NRK: variants seen among roughly 807,000 people sequenced by gnomAD.
NRK encodes the protein Nik related kinase.
In NRK, 67 loss-of-function variants were observed where a neutral mutation model predicts 125.2. The observed-to-expected ratio is 0.54, with a 90% CI of 0.44 to 0.66. NRK has a LOEUF of 0.66. Among genes scored for constraint, NRK ranks in the 30% least tolerant of loss-of-function variants. The probability of loss-of-function intolerance (pLI) is 0.00; values close to 1 mark genes in which losing one functional copy is unlikely to be tolerated. For synonymous variants in NRK, 458 were observed against 429.0 expected, an observed-to-expected ratio of 1.07 and a Z score of -0.84; for missense variants, 1,224 against 1,192.9, an observed-to-expected ratio of 1.03 and a Z score of -0.38.
At chrX:105,904,284 A>G (rs756597042) in intron 9 of NRK, among the ~76,000 whole-genome samples, 1 of 112,168 alleles carries the variant, frequency 8.9e-6, no homozygotes, top group South Asian at 3.7e-4. Flanking sequence ...AGTGAGACAT[A>G]TTTAAACACT....
chrX:105,934,205 T>C, intron 19 of NRK, 53 bp from the exon 20 acceptor site: 3 of 777,165 alleles, frequency 3.9e-6, no homozygotes, highest in Non-Finnish European at 5.5e-6. Context: ...GGCATATTTC[T>C]CCCACTGTTA....
At position 105,865,653 on chromosome X, in the gene NRK, T is replaced by C. The variant is rs373981982; in HGVS notation, c.124-14546T>C. The stretch of plus-strand genomic sequence containing the variant: ...TTATGTAAATATTGTAATTTGGGCC[T>C]GAAAGGAATTAGATTTTGTATATTA... On this transcript the variant is annotated intron_variant, in intron 2 of 28. Coordinates refer to ENST00000243300, the MANE Select transcript of NRK (RefSeq NM_198465.4). 4.5e-5 allele frequency among the ~76,000 whole-genome samples: 5 copies of C among 111,579 alleles called. No individual in the cohort carries two copies. The East Asian group carries it at 8.5e-4, about 19-fold the overall frequency.
chrX:105,851,292 A>G (rs2039468600), intron 2 of NRK, among the ~76,000 whole-genome samples: 1 of 112,521 alleles, frequency 8.9e-6, no homozygotes, highest in Non-Finnish European at 1.9e-5. Flanking sequence ...GTTGAATTTG[A>G]GATTCTATGT....
Position 105,934,384 on chromosome X carries a change from C to T in NRK, c.3439C>T (p.His1147Tyr), listed in dbSNP as rs1196662119. The change falls in exon 20 of 29, where the codon CAC (histidine) becomes TAC (tyrosine). Residue 1147 changes from histidine to tyrosine, a missense_variant. Coordinates refer to ENST00000243300, the MANE Select transcript of NRK (RefSeq NM_198465.4). ...AACACAATCAGATTTTTCTGCCAAT[C>T]ACTCATCTCCTTCCAAAGGTTCTGG... ...SSTQSDFSAN[H>Y]SSPSKGSGMS... 1 of 1,204,596 alleles carries T rather than the reference C, an allele frequency of 8.3e-7. No individual in the cohort carries two copies. Among genetic ancestry groups the T allele is most frequent in the Non-Finnish European group, 1.1e-6 (1 of 889,709 alleles).
intron 2 of NRK, among the ~76,000 whole-genome samples, chrX:105,854,618 C>T (rs893428774): frequency 4.5e-5 from 5 of 111,715 alleles, no homozygotes; most frequent in Admixed American, 1.9e-4. Flanking sequence ...AACCCAGGTT[C>T]GCTGTGTTCT....
At position 105,912,887 on chromosome X, in the gene NRK, G is replaced by A. The variant is rs763246870; in HGVS notation, c.2349+132G>A. On this transcript the variant is annotated intron_variant, in intron 14 of 28. Coordinates refer to ENST00000243300, the MANE Select transcript of NRK (RefSeq NM_198465.4). ...TCAAAAAGCTTTCATTTTTTACATG[G>A]GTTGTATCATTTGATATTTAATTTA... 2.3e-5 allele frequency: 7 copies of A among 305,716 alleles called. No individual in the cohort carries two copies. In the South Asian group the frequency reaches 7.7e-4, roughly 34 times the overall value. 25.2% of individuals were successfully genotyped at this position (305,716 alleles called of 1,213,427 possible).
Position 105,831,104 on chromosome X carries a change from TG to T in NRK, c.110del (p.Gly37AlafsTer19). 1 of 1,128,776 alleles carries T rather than the reference TG, an allele frequency of 8.9e-7. No individual in the cohort carries two copies. Among genetic ancestry groups the T allele is most frequent in the Non-Finnish European group, 1.2e-6 (1 of 824,522 alleles). The allele number at this position is 1,128,776 out of a possible 1,213,427, so 93.0% of individuals were successfully genotyped here. ...LDKTIGLGTYGRIYLGLHEKT... is the reference protein window; with the variant it reads ...LDKTIGLGTYXRIYLGLHEKT... ...ATAAAACCATTGGCCTTGGTACTTA[TG>T]GCAGAATCTATTTGGTAAGTTGACT... On this transcript the variant is annotated frameshift_variant, in exon 2 of 29. Coordinates refer to ENST00000243300, the MANE Select transcript of NRK (RefSeq NM_198465.4). LOFTEE classifies it high-confidence loss of function.
Position 105,957,343 on chromosome X carries a change from AT to A in NRK, c.*1746del, listed in dbSNP as rs2040990682. The A allele has an allele frequency of 9.0e-6, 1 of 110,817 alleles. No individual in the cohort carries two copies. Among genetic ancestry groups the A allele is most frequent in the Non-Finnish European group, 1.9e-5 (1 of 52,855 alleles). 9.1% of individuals were successfully genotyped at this position (110,817 alleles called of 1,213,427 possible). ...TTAGAAGTAGTCTTCATTATTATAA[AT>A]TTGTACACCAAAAGGCCATGGGGAA... On this transcript the variant is annotated 3_prime_UTR_variant, in exon 29 of 29. Coordinates refer to ENST00000243300, the MANE Select transcript of NRK (RefSeq NM_198465.4).
intron 1 of NRK, among the ~76,000 whole-genome samples, chrX:105,824,825 G>C (rs961497685): frequency 6.3e-5 from 7 of 111,087 alleles, no homozygotes; most frequent in Non-Finnish European, 1.3e-4. Flanking sequence ...AATGTAAGGG[G>C]AGTAGCGAGA....
intron 2 of NRK, among the ~76,000 whole-genome samples, chrX:105,862,357 A>G (rs1361816697): frequency 1.8e-5 from 2 of 111,156 alleles, no homozygotes; most frequent in Admixed American, 1.9e-4. Flanking sequence ...GTCATCATTC[A>G]TTGGCTGCCT....
At position 105,909,073 on chromosome X, in the gene NRK, C is replaced by T. The variant is rs753287534; in HGVS notation, c.1432C>T (p.Leu478Phe). 36 of 1,208,149 alleles carry T rather than the reference C, an allele frequency of 3.0e-5. No homozygotes were observed. Among genetic ancestry groups the T allele is most frequent in the Non-Finnish European group, 3.6e-5 (32 of 893,881 alleles). Reference protein sequence around the residue: ...PPRLRRAARVLMPLQAQVRAP... With the variant: ...PPRLRRAARVFMPLQAQVRAP... ...ACGACTACGGAGGGCAGCCAGGGTG[C>T]TCATGCCACTACAGGCACAGGTTAG... The change falls in exon 13 of 29, where the codon CTC becomes TTC. Residue 478 changes from leucine (L) to phenylalanine (F), a missense_variant. Coordinates refer to ENST00000243300, the MANE Select transcript of NRK (RefSeq NM_198465.4).
intron 2 of NRK, among the ~76,000 whole-genome samples, chrX:105,879,577 C>G (rs931433654): frequency 2.7e-5 from 3 of 110,586 alleles, no homozygotes; most frequent in Non-Finnish European, 5.7e-5. Flanking sequence ...AGAACTTATT[C>G]CTTTTATAAA....
At chrX:105,885,566 A>G (rs1301334139) in intron 4 of NRK, among the ~76,000 whole-genome samples, 1 of 112,387 alleles carries the variant, frequency 8.9e-6, no homozygotes, top group Non-Finnish European at 1.9e-5. Flanking sequence ...TAAGAAGCAA[A>G]GAGTTTTTTC....
intron 23 of NRK, among the ~76,000 whole-genome samples, chrX:105,943,598 A>G (rs746460631): frequency 6.2e-5 from 7 of 112,298 alleles, no homozygotes; most frequent in Non-Finnish European, 1.1e-4. Flanking sequence ...CATTGAATCT[A>G]TGGAGACAAT....
At chrX:105,927,023 A>G (rs921948547) in intron 19 of NRK, among the ~76,000 whole-genome samples, 1 of 110,655 alleles carries the variant, frequency 9.0e-6, no homozygotes, top group East Asian at 2.8e-4. Flanking sequence ...GAAGAATGTC[A>G]TTGGTATTTT....
In NRK at chrX:105,826,262, T is replaced by A. The variant is rs1215046369; in HGVS notation, c.57+3360T>A. ...ATATAATATATATGATAATATATAT[T>A]TCATATATAATATATATGAAATATA... On this transcript the variant is annotated intron_variant, in intron 1 of 28. Transcript: ENST00000243300. Among the ~76,000 whole-genome samples, 5 of 77,593 alleles carry A rather than the reference T, an allele frequency of 6.4e-5. No homozygotes were observed. The East Asian group carries it at 1.8e-3, about 27-fold the overall frequency. 67.4% of individuals were successfully genotyped at this position (77,593 alleles called of 115,157 possible).
intron 21 of NRK, among the ~76,000 whole-genome samples, chrX:105,935,565 C>T (rs2040652431): frequency 9.2e-6 from 1 of 108,640 alleles, no homozygotes; most frequent in African/African-American, 3.3e-5. Flanking sequence ...ACTTGGATGG[C>T]AGGTGGATCA....
intron 8 of NRK, among the ~76,000 whole-genome samples, chrX:105,900,295 G>A (rs1359271415): frequency 9.0e-6 from 1 of 111,005 alleles, no homozygotes. Context: ...GATACAACTG[G>A]TGGGTCTATG....
At chrX:105,870,461 T>C (rs1602625719) in intron 2 of NRK, among the ~76,000 whole-genome samples, 1 of 112,009 alleles carries the variant, frequency 8.9e-6, no homozygotes, top group East Asian at 2.8e-4. Context: ...TTTTGTCCCC[T>C]GTAGATCTGG....
Sources: allele counts gnomAD v4.1 joint callset (sites outside exome capture counted in the v4.1 genomes callset), GRCh38; gene constraint gnomAD v4.1.1; transcripts MANE v1.5; gene names NCBI Gene and HGNC (gene_info 2026-07-23, HGNC 2026-07-21).